ST8SIA1: variants seen among roughly 807,000 people sequenced by gnomAD.
ST8SIA1 encodes the protein alpha-N-acetylneuraminide alpha-2,8-sialyltransferase.
ST8SIA1 carries 16 observed loss-of-function variants against 35.9 expected under a neutral mutation model. The observed-to-expected ratio is 0.45, with a 90% CI of 0.30 to 0.68. ST8SIA1 has a LOEUF of 0.68. Among genes scored for constraint, ST8SIA1 ranks in the 30% least tolerant of loss-of-function variants. The pLI is 0.09. For missense variants in ST8SIA1, 383 were observed against 453.6 expected, an observed-to-expected ratio of 0.84 and a Z score of 1.41; for synonymous variants, 170 against 169.6, an observed-to-expected ratio of 1.00 and a Z score of -0.02.
At chr12:22,296,858 A>T (rs542707431) in intron 1 of ST8SIA1, among the ~76,000 whole-genome samples, 9 of 152,296 alleles carry the variant, frequency 5.9e-5, no homozygotes, top group Non-Finnish European at 1.3e-4. Flanking sequence ...TACGGTCCAG[A>T]TCACAAGTAC....
chr12:22,223,171 C>T (rs1450430470), intron 4 of ST8SIA1: 9 of 152,026 alleles, frequency 5.9e-5, no homozygotes, highest in Admixed American at 5.9e-4. Flanking sequence ...AAGAACAACT[C>T]CTACAGTTTC....
At chr12:22,240,981 T>A (rs996893774) in intron 4 of ST8SIA1, among the ~76,000 whole-genome samples, 1 of 148,014 alleles carries the variant, frequency 6.8e-6, no homozygotes, top group Non-Finnish European at 1.5e-5. Context: ...GCCAACTCTT[T>A]TTTTTTTTTT....
chr12:22,207,575 G>A (rs1365626255), intron 4 of ST8SIA1, among the ~76,000 whole-genome samples: 1 of 152,068 alleles, frequency 6.6e-6, no homozygotes, highest in African/African-American at 2.4e-5. Flanking sequence ...TTTTCAGTTT[G>A]AGCTCTGTCA....
chr12:22,251,701 G>A (rs1449483921), intron 3 of ST8SIA1, among the ~76,000 whole-genome samples: 2 of 152,058 alleles, frequency 1.3e-5, no homozygotes, highest in African/African-American at 2.4e-5. Context: ...TTGCATTATC[G>A]CTGTTGGCAC....
intron 4 of ST8SIA1, among the ~76,000 whole-genome samples, chr12:22,225,249 C>T (rs968774162): frequency 1.3e-5 from 2 of 152,098 alleles, no homozygotes; most frequent in African/African-American, 4.8e-5. Context: ...CCCTAAGAAA[C>T]TAATAAAATG....
At chr12:22,223,552 G>A (rs1865324035) in intron 4 of ST8SIA1, 1 of 1,048,524 alleles carries the variant, frequency 9.5e-7, no homozygotes, top group African/African-American at 1.7e-5. Flanking sequence ...GGTTAAATGA[G>A]GAGACAGGGG....
At chr12:22,257,378 ATTTTTTTTT>A (rs34136511) in intron 2 of ST8SIA1, among the ~76,000 whole-genome samples, 8,015 of 118,594 alleles carry the variant, frequency 0.068, 400 homozygotes, top group South Asian at 0.2. Context: ...TGCCCAGCTA[ATTTTTTTTT>A]TTTTTTTTTT....
At chr12:22,233,034 T>C (rs1865436663) in intron 4 of ST8SIA1, among the ~76,000 whole-genome samples, 1 of 151,926 alleles carries the variant, frequency 6.6e-6, no homozygotes, top group Non-Finnish European at 1.5e-5. Context: ...AAGAAAAATA[T>C]CCAAAATGAA....
chr12:22,217,865 A>C (rs2300717), intron 4 of ST8SIA1, among the ~76,000 whole-genome samples: 64,920 of 152,080 alleles, frequency 0.43, 14,168 homozygotes, highest in East Asian at 0.59. Context: ...GTTATAAATT[A>C]ATAGGAAACC....
At chr12:22,322,614 C>A (rs964268964) in intron 1 of ST8SIA1, among the ~76,000 whole-genome samples, 1 of 152,184 alleles carries the variant, frequency 6.6e-6, no homozygotes, top group Non-Finnish European at 1.5e-5. Flanking sequence ...AACAAGACTT[C>A]ATTTCTAGCC....
At chr12:22,304,334 C>CTT (rs3063802) in intron 1 of ST8SIA1, among the ~76,000 whole-genome samples, 35 of 106,230 alleles carry the variant, frequency 3.3e-4, no homozygotes, top group African/African-American at 7.8e-4. Flanking sequence ...TTTTCTTTTT[C>CTT]TTTTTTTTTT....
chr12:22,329,298 T>C (rs988825138), intron 1 of ST8SIA1, among the ~76,000 whole-genome samples: 4 of 152,120 alleles, frequency 2.6e-5, no homozygotes, highest in Non-Finnish European at 5.9e-5. Flanking sequence ...CTCCATATCC[T>C]CATCTATAAA....
intron 1 of ST8SIA1, among the ~76,000 whole-genome samples, chr12:22,308,244 C>T (rs909615454): frequency 8.6e-5 from 13 of 151,970 alleles, no homozygotes; most frequent in Non-Finnish European, 1.6e-4. Context: ...CTTTTAAGAG[C>T]TATTAAAAAT....
At chr12:22,295,188 C>T (rs1027064162) in intron 1 of ST8SIA1, among the ~76,000 whole-genome samples, 2 of 152,108 alleles carry the variant, frequency 1.3e-5, no homozygotes, top group Non-Finnish European at 2.9e-5. Flanking sequence ...AACAGGGTGG[C>T]TAAGTCAGTC....
chr12:22,315,181 G>T (rs140769177), intron 1 of ST8SIA1, among the ~76,000 whole-genome samples: 112 of 151,868 alleles, frequency 7.4e-4, no homozygotes, highest in African/African-American at 2.6e-3. Flanking sequence ...CCTCATAGTA[G>T]AAACTCAATA....
intron 1 of ST8SIA1, among the ~76,000 whole-genome samples, chr12:22,317,991 G>A (rs1866541470): frequency 6.6e-6 from 1 of 152,112 alleles, no homozygotes; most frequent in Admixed American, 6.5e-5. Context: ...GCATAATTAT[G>A]GCATTTTATC....
In ST8SIA1 at chr12:22,280,601, A is replaced by T. The variant is rs923943463; in HGVS notation, c.381+6548T>A. Among the ~76,000 whole-genome samples, 14 of 152,190 alleles carry T rather than the reference A, an allele frequency of 9.2e-5. No individual in the cohort carries two copies. The East Asian group carries it at 2.5e-3, about 27-fold the overall frequency. The stretch of plus-strand genomic sequence containing the variant: ...AAGATAGAGCATTCCTTTATTTTTC[A>T]TTTTGTTCTCAACCATAGACAACCT... On this transcript the variant is annotated intron_variant, in intron 2 of 4. Transcript: ENST00000396037.
intron 4 of ST8SIA1, 148 bp from the exon 5 acceptor site, chr12:22,202,186 T>C: frequency 1.4e-6 from 1 of 723,654 alleles, no homozygotes; most frequent in East Asian, 2.9e-5. Flanking sequence ...AAAATCCTCC[T>C]TGAACTTATC....
At chr12:22,282,241 G>A (rs1591843372) in intron 2 of ST8SIA1, among the ~76,000 whole-genome samples, 2 of 152,200 alleles carry the variant, frequency 1.3e-5, no homozygotes, top group Middle Eastern at 6.8e-3. Context: ...TACCAGCTCT[G>A]GGACCCTCAA....
Sources: gnomAD v4.1 joint callset for allele counts (sites outside exome capture counted in the v4.1 genomes callset) on GRCh38, gnomAD v4.1.1 for gene constraint, MANE v1.5 for transcripts, NCBI Gene and HGNC (gene_info 2026-07-23, HGNC 2026-07-21) for gene names.